Variants in MAF observed in about 807,000 individuals in gnomAD.
The protein encoded by MAF is MAF bZIP transcription factor, also known as transcription factor Maf.
In MAF, 10 loss-of-function variants were observed where a neutral mutation model predicts 22.0. The ratio of observed to expected loss-of-function variants is 0.45; its 90% CI spans 0.28 to 0.77. The LOEUF (loss-of-function observed/expected upper bound fraction) is 0.77. Ranked by LOEUF, MAF falls within the 30% of genes least tolerant of loss-of-function variation. The pLI, the probability that MAF is intolerant of heterozygous loss-of-function variation, is 0.12. For missense variants in MAF, 544 were observed against 548.4 expected (o/e 0.99, Z 0.08); for synonymous variants, 337 against 255.8 (o/e 1.32, Z -3.03).
chr16:79,241,127 C>T, the MAF span, among the ~76,000 whole-genome samples: 3 of 152,048 alleles, frequency 2.0e-5, no homozygotes, highest in African/African-American at 4.8e-5. Context: ...ACCAGAATGC[C>T]TCTTCTCCTC....
chr16:79,251,300 CTTTTT>C, the MAF span, among the ~76,000 whole-genome samples: 1 of 143,314 alleles, frequency 7.0e-6, no homozygotes, highest in Non-Finnish European at 1.5e-5. Context: ...GTTATTATTT[CTTTTT>C]AAGTCTTTAT....
chr16:79,326,099 C>T, the MAF span, among the ~76,000 whole-genome samples: 12 of 152,188 alleles, frequency 7.9e-5, no homozygotes, highest in Non-Finnish European at 1.3e-4. Context: ...AATTTTTAAT[C>T]CACAAAATAT....
At chr16:79,209,232 G>A in the MAF span, among the ~76,000 whole-genome samples, 4 of 152,332 alleles carry the variant, frequency 2.6e-5, no homozygotes, top group African/African-American at 9.6e-5. Flanking sequence ...TTTAGATTCC[G>A]TGGAAGGAAA....
At chr16:79,270,484 T>A in the MAF span, among the ~76,000 whole-genome samples, 15 of 152,122 alleles carry the variant, frequency 9.9e-5, no homozygotes, top group Admixed American at 2.0e-4. Flanking sequence ...AGATTCCCCA[T>A]CTGAAAGCAA....
chr16:79,513,587 G>T, the MAF span, among the ~76,000 whole-genome samples: 3 of 152,192 alleles, frequency 2.0e-5, no homozygotes, highest in Non-Finnish European at 4.4e-5. Context: ...GCTTGAGAAA[G>T]GAATTCTAGT....
At chr16:79,562,195 A>C in the MAF span, among the ~76,000 whole-genome samples, 1 of 152,176 alleles carries the variant, frequency 6.6e-6, no homozygotes, top group Non-Finnish European at 1.5e-5. Context: ...GTCTAGTCAC[A>C]CCATTCTGTT....
chr16:79,256,021 T>G, the MAF span, among the ~76,000 whole-genome samples: 1 of 148,442 alleles, frequency 6.7e-6, no homozygotes, highest in African/African-American at 2.5e-5. Flanking sequence ...CTTGCTGTAT[T>G]GCCAGGCTGG....
the MAF span, among the ~76,000 whole-genome samples, chr16:79,439,058 C>A: frequency 6.6e-6 from 1 of 152,238 alleles, no homozygotes; most frequent in Middle Eastern, 3.4e-3. Context: ...TGTCCCCTAG[C>A]TCCAAGAGGC....
chr16:79,527,686 AG>A, the MAF span, among the ~76,000 whole-genome samples: 1 of 152,158 alleles, frequency 6.6e-6, no homozygotes, highest in Admixed American at 6.5e-5. Context: ...TTCTTAGTGA[AG>A]CTTGTGAGGG....
chr16:79,480,589 A>T, the MAF span, among the ~76,000 whole-genome samples: 3 of 152,060 alleles, frequency 2.0e-5, no homozygotes, highest in Non-Finnish European at 2.9e-5. Flanking sequence ...TGGCATTCAG[A>T]TGTTTTATCA....
At chr16:79,399,488 G>T in the MAF span, among the ~76,000 whole-genome samples, 1 of 152,276 alleles carries the variant, frequency 6.6e-6, no homozygotes, top group Admixed American at 6.5e-5. Context: ...TAATACTGAG[G>T]CCTAACATCA....
the MAF span, among the ~76,000 whole-genome samples, chr16:79,547,890 G>C: frequency 5.0e-5 from 7 of 140,974 alleles, no homozygotes; most frequent in African/African-American, 2.0e-4. Context: ...GCGTGTGTGT[G>C]TGTGTGTGTG....
the MAF span, among the ~76,000 whole-genome samples, chr16:79,480,634 G>T: frequency 6.6e-6 from 1 of 152,188 alleles, no homozygotes; most frequent in South Asian, 2.1e-4. Flanking sequence ...AAGGGTTGGG[G>T]AGAGGTATCT....
the MAF span, among the ~76,000 whole-genome samples, chr16:79,352,292 A>G: frequency 3.3e-5 from 5 of 152,170 alleles, no homozygotes; most frequent in Non-Finnish European, 7.3e-5. Flanking sequence ...ACTCCTTAGA[A>G]ATAATCACGT....
chr16:79,217,030 G>T, the MAF span, among the ~76,000 whole-genome samples: 2 of 152,086 alleles, frequency 1.3e-5, no homozygotes, highest in South Asian at 2.1e-4. Context: ...GGCTGGTCTC[G>T]AACTCCTGCC....
the MAF span, among the ~76,000 whole-genome samples, chr16:79,457,049 T>G: frequency 6.6e-6 from 1 of 152,044 alleles, no homozygotes; most frequent in African/African-American, 2.4e-5. Flanking sequence ...CATTGAAGAT[T>G]AATAGAGATG....
intron 1 of MAF, among the ~76,000 whole-genome samples, chr16:79,588,758 G>A (rs1210514283): frequency 1.3e-5 from 2 of 151,940 alleles, no homozygotes; most frequent in Non-Finnish European, 2.9e-5. Flanking sequence ...CACCACACCG[G>A]GCCAGATTTA....
the MAF span, among the ~76,000 whole-genome samples, chr16:79,221,929 T>G: frequency 1.3e-5 from 2 of 152,180 alleles, no homozygotes; most frequent in Admixed American, 6.5e-5. Flanking sequence ...TTTTTTTTCA[T>G]TAGCTATTTG....
chr16:79,350,573 C>A, the MAF span, among the ~76,000 whole-genome samples: 1 of 152,194 alleles, frequency 6.6e-6, no homozygotes, highest in African/African-American at 2.4e-5. Context: ...AAGTGATATG[C>A]ATCCCTCCAG....
Sources: allele counts gnomAD v4.1 joint callset (sites outside exome capture counted in the v4.1 genomes callset), GRCh38; gene constraint gnomAD v4.1.1; transcripts MANE v1.5; gene names NCBI Gene and HGNC (gene_info 2026-07-23, HGNC 2026-07-21).